Variants in USP42 observed in about 807,000 individuals in gnomAD.
USP42 encodes the protein ubiquitin specific peptidase 42.
A neutral mutation model predicts 113.0 loss-of-function variants in USP42; 23 were observed. That is an observed-to-expected ratio of 0.20 (90% CI 0.15 to 0.29). The LOEUF is 0.29. Among genes scored for constraint, USP42 ranks in the 10% least tolerant of loss-of-function variants. The probability of loss-of-function intolerance (pLI) is 1.00; values close to 1 mark genes in which losing one functional copy is unlikely to be tolerated. For missense variants in USP42, 2,174 were observed against 1,779.8 expected (o/e 1.22, Z -3.99); for synonymous variants, 933 against 699.0 (o/e 1.33, Z -5.28).
chr7:6,085,538 A>G, the USP42 span, among the ~76,000 whole-genome samples: 55 of 150,140 alleles, frequency 3.7e-4, 1 homozygote, highest in Non-Finnish European at 6.5e-4. Context: ...ATTATATAGA[A>G]GAGGGACCTG....
At chr7:6,087,594 C>A in the USP42 span, among the ~76,000 whole-genome samples, 2 of 150,166 alleles carry the variant, frequency 1.3e-5, no homozygotes, top group African/African-American at 5.0e-5. Flanking sequence ...GCTTCGGCCT[C>A]CCAAAGTGCT....
intron 1 of USP42, among the ~76,000 whole-genome samples, chr7:6,110,108 A>G (rs1020567032): frequency 1.3e-5 from 2 of 151,862 alleles, no homozygotes; most frequent in African/African-American, 4.8e-5. Context: ...TGCTGCAATT[A>G]TAGGCATGAG....
chr7:6,126,073 G>T (rs1209451067), intron 3 of USP42, among the ~76,000 whole-genome samples: 1 of 152,080 alleles, frequency 6.6e-6, no homozygotes, highest in Non-Finnish European at 1.5e-5. Context: ...GCCCACTTGT[G>T]TCCCTGCCTT....
the USP42 span, among the ~76,000 whole-genome samples, chr7:6,089,637 A>C: frequency 6.7e-6 from 1 of 148,528 alleles, no homozygotes; most frequent in African/African-American, 2.6e-5. Flanking sequence ...GGTTCAAACA[A>C]TTCTCCTTCC....
intron 3 of USP42, chr7:6,116,847 A>G (rs781676693): frequency 5.6e-6 from 3 of 533,142 alleles, no homozygotes; most frequent in Non-Finnish European, 1.2e-5. Context: ...CGCTTAATGA[A>G]AGTAGGGTGT....
At chr7:6,140,238 G>C (rs1003300101) in intron 6 of USP42, 43 bp downstream of exon 6, 12 of 1,563,232 alleles carry the variant, frequency 7.7e-6, no homozygotes, top group Non-Finnish European at 1.1e-5. Flanking sequence ...ACACACATGT[G>C]GTTAAAAAAT....
At position 6,149,688 on chromosome 7, in the gene USP42, G is replaced by A. The variant is rs890138251; in HGVS notation, c.1492G>A (p.Ala498Thr). ...SSVNRASPVN[A>T]SASVQNWSVN... Reference sequence around the variant, plus strand: ...TGTCAACAGGGCTAGTCCTGTTAATGCTTCAGCTTCTGTCCAAAACTGGTC... The same window carrying A: ...TGTCAACAGGGCTAGTCCTGTTAATACTTCAGCTTCTGTCCAAAACTGGTC... Residue 498 changes from alanine (A) to threonine (T), a missense_variant, in exon 13 of 18, where the codon GCT becomes ACT. Transcript: ENST00000306177. 1 of 1,613,818 alleles carries A rather than the reference G, an allele frequency of 6.2e-7. No homozygotes were observed. The highest frequency in any genetic ancestry group is 1.3e-5 in the African/African-American group (1 of 74,894).
chr7:6,156,541 CT>C (rs1481851779), intron 15 of USP42, among the ~76,000 whole-genome samples: 1 of 152,196 alleles, frequency 6.6e-6, no homozygotes, highest in Non-Finnish European at 1.5e-5. Context: ...CCTCAATCTC[CT>C]GGGCTCAAGT....
intron 3 of USP42, among the ~76,000 whole-genome samples, chr7:6,118,561 A>T (rs1052716749): frequency 5.9e-5 from 9 of 151,990 alleles, no homozygotes; most frequent in Non-Finnish European, 2.9e-5. Flanking sequence ...AACTTTGCCT[A>T]CCTACAGGTC....
chr7:6,137,447 C>T (rs1207972658), intron 4 of USP42, among the ~76,000 whole-genome samples: 1 of 152,226 alleles, frequency 6.6e-6, no homozygotes, highest in Non-Finnish European at 1.5e-5. Flanking sequence ...CAACCTCTGC[C>T]TCTCAGGTTC....
In USP42 at chr7:6,129,878, G is replaced by A. The variant is rs553044608; in HGVS notation, c.443-5963G>A. Among the ~76,000 whole-genome samples the A allele has an allele frequency of 2.3e-4, 35 of 149,388 alleles. 1 individual carries two copies. The South Asian group carries it at 7.0e-3, about 30-fold the overall frequency. On this transcript the variant is annotated intron_variant, in intron 3 of 17. Coordinates refer to ENST00000306177, the MANE Select transcript of USP42 (RefSeq NM_032172.3). The stretch of plus-strand genomic sequence containing the variant: ...TCTGTCTCAAAAAAAAAAAAAAAAG[G>A]TTTCTTTTATATACATTTAGAACCA...
chr7:6,081,473 C>T, the USP42 span, among the ~76,000 whole-genome samples: 1 of 152,200 alleles, frequency 6.6e-6, no homozygotes, highest in Non-Finnish European at 1.5e-5. Context: ...GCGCCTCGCT[C>T]CTTGCCCACA....
the USP42 span, among the ~76,000 whole-genome samples, chr7:6,083,227 T>C: frequency 2.1e-4 from 1 of 4,656 alleles, no homozygotes; most frequent in Admixed American, 2.3e-3. Flanking sequence ...ACCCAGCTTA[T>C]TTATTTATTT....
chr7:6,086,031 C>T, the USP42 span, among the ~76,000 whole-genome samples: 4 of 150,566 alleles, frequency 2.7e-5, no homozygotes, highest in Non-Finnish European at 5.9e-5. Flanking sequence ...TGATAACCAC[C>T]CTCTTTTTTT....
At chr7:6,102,147 A>C (rs1790145878), upstream of USP42, among the ~76,000 whole-genome samples, 1 of 130,996 alleles carries the variant, frequency 7.6e-6, no homozygotes. Flanking sequence ...ACGGAATCTC[A>C]CTCTGTTGCC....
chr7:6,153,696 A>C, intron 14 of USP42, 60 bp from the exon 15 acceptor site: 1 of 1,409,350 alleles, frequency 7.1e-7, no homozygotes, highest in Non-Finnish European at 9.3e-7. Context: ...CTTGTAATGC[A>C]ATGACATGAG....
At chr7:6,111,466 A>C (rs74455120) in intron 2 of USP42, 92 bp downstream of exon 2, 939 of 1,472,942 alleles carry the variant, frequency 6.4e-4, no homozygotes, top group Non-Finnish European at 7.9e-4. Context: ...TTATTTTGCA[A>C]GGCGTGAGGC....
the USP42 span, among the ~76,000 whole-genome samples, chr7:6,089,296 C>T: frequency 2.7e-5 from 4 of 149,212 alleles, no homozygotes; most frequent in Non-Finnish European, 5.9e-5. Context: ...TTAGGTGATA[C>T]ACCCACCTTG....
At position 6,143,306 on chromosome 7, in the gene USP42, GGT is replaced by G. The variant is rs1294554559; in HGVS notation, c.878+296_878+297del. Among the ~76,000 whole-genome samples the G allele has an allele frequency of 2.0e-5, 3 of 152,128 alleles. No individual in the cohort carries two copies. The East Asian group carries it at 5.8e-4, about 29-fold the overall frequency. On this transcript the variant is annotated intron_variant, in intron 8 of 17. Transcript: ENST00000306177. ...TGCACCCCATGGTAGTGCTGCTTCA[GGT>G]GTGGCTGGGCACGCACTGTCTGCCA...
Sources: gnomAD v4.1 joint callset for allele counts (sites outside exome capture counted in the v4.1 genomes callset) on GRCh38, gnomAD v4.1.1 for gene constraint, MANE v1.5 for transcripts, NCBI Gene and HGNC (gene_info 2026-07-23, HGNC 2026-07-21) for gene names.